The following SPOCK3 variants were observed in gnomAD, a reference collection of about 807,000 sequenced individuals.
SPOCK3 encodes testican-3.
Under a neutral mutation model 56.6 loss-of-function variants are expected in SPOCK3, and 30 were observed. The ratio of observed to expected loss-of-function variants is 0.53; its 90% confidence interval spans 0.40 to 0.72. The LOEUF is 0.72. SPOCK3 is among the 30% of genes least tolerant of loss of function. The probability of loss-of-function intolerance (pLI) is 0.00; values close to 1 mark genes in which losing one functional copy is unlikely to be tolerated. For synonymous variants in SPOCK3, 196 were observed against 183.3 expected (o/e 1.07, Z -0.56); for missense variants, 527 against 530.0 (o/e 0.99, Z 0.06).
chr4:166,737,261 A>G lies in SPOCK3; in HGVS notation c.1132+206T>C, dbSNP rs74780037. The stretch of plus-strand genomic sequence containing the variant: ...AGCTTTTAATTAATCTCTCTAGAAA[A>G]TCTAAATTATGCAATGACCACTTAT... On this transcript the variant is annotated intron_variant, in intron 10 of 10. Transcript: ENST00000357545. Among the ~76,000 whole-genome samples, 801 of 152,278 alleles carry G rather than the reference A, an allele frequency of 5.3e-3. 17 individuals carry two copies. The East Asian group carries it at 0.054, about 10-fold the overall frequency.
In SPOCK3 at chr4:167,005,617, T is replaced by C. The variant is rs191284828; in HGVS notation, c.236-5154A>G. 4.3e-3 allele frequency among the ~76,000 whole-genome samples: 661 copies of C among 152,134 alleles called. 5 individuals carry two copies. The highest frequency in any genetic ancestry group is 6.5e-3 in the Non-Finnish European group (444 of 67,990). On this transcript the variant is annotated intron_variant, in intron 3 of 10. Transcript: ENST00000357545. ...AAAAAAAAACAGTACTCAAAATCCTTTTATATACTTTGTGCAAACCCTCTA... is the reference window on the plus strand; with the variant it reads ...AAAAAAAAACAGTACTCAAAATCCTCTTATATACTTTGTGCAAACCCTCTA...
rs1241086796 is a variant in SPOCK3, at chr4:166,883,270, G to A, written c.589+5860C>T. 3.3e-5 allele frequency: 5 copies of A among 152,174 alleles called. No homozygotes were observed. The East Asian group carries it at 9.7e-4, about 29-fold the overall frequency. 9.4% of individuals were successfully genotyped at this position (152,174 alleles called of 1,614,324 possible). A position where few individuals can be genotyped will look rare whatever the true frequency, so the allele number is the denominator to read the frequency against. ...AGGGTTCCATAGCACTCAGAGTACT[G>A]AAATGAATAATGGAAAAAATGACTG... On this transcript the variant is annotated intron_variant, in intron 6 of 10. Transcript: ENST00000357545.
At chr4:167,098,256 A>G (rs949325616) in intron 2 of SPOCK3, among the ~76,000 whole-genome samples, 1 of 152,008 alleles carries the variant, frequency 6.6e-6, no homozygotes, top group Non-Finnish European at 1.5e-5. Flanking sequence ...GAGATTTACT[A>G]TGAGAACCTG....
intron 4 of SPOCK3, among the ~76,000 whole-genome samples, chr4:166,940,618 C>T (rs1028614584): frequency 2.6e-5 from 4 of 151,458 alleles, no homozygotes; most frequent in African/African-American, 9.7e-5. Context: ...TAATAAAAAA[C>T]CCCTAGGAAG....
chr4:166,878,211 G>A (rs1209424237), intron 6 of SPOCK3, among the ~76,000 whole-genome samples: 14 of 152,106 alleles, frequency 9.2e-5, no homozygotes, highest in Admixed American at 5.2e-4. Flanking sequence ...CCCGGGTGGC[G>A]AAGGTTGCAG....
chr4:166,839,177 G>C (rs1560913748), intron 6 of SPOCK3, among the ~76,000 whole-genome samples: 1 of 152,084 alleles, frequency 6.6e-6, no homozygotes. Context: ...TGCTCTGGCA[G>C]AAGTCAGAGG....
At chr4:167,009,547 T>C (rs1157350362) in intron 3 of SPOCK3, among the ~76,000 whole-genome samples, 1 of 152,154 alleles carries the variant, frequency 6.6e-6, no homozygotes, top group South Asian at 2.1e-4. Flanking sequence ...TTACAAATTC[T>C]AAGGCTGTGA....
intron 6 of SPOCK3, among the ~76,000 whole-genome samples, chr4:166,843,687 T>C (rs1195708295): frequency 6.6e-6 from 1 of 152,180 alleles, no homozygotes; most frequent in African/African-American, 2.4e-5. Flanking sequence ...AAGGATCCAG[T>C]TGGCTCTGAA....
intron 2 of SPOCK3, among the ~76,000 whole-genome samples, chr4:167,100,943 A>G (rs1387074982): frequency 1.3e-5 from 2 of 152,102 alleles, no homozygotes; most frequent in Admixed American, 6.6e-5. Context: ...TCACTCTCAA[A>G]TTTCATTCAG....
At chr4:166,938,888 G>C (rs1473742616) in intron 4 of SPOCK3, among the ~76,000 whole-genome samples, 1 of 151,608 alleles carries the variant, frequency 6.6e-6, no homozygotes, top group Non-Finnish European at 1.5e-5. Context: ...TTATGAATAA[G>C]AACACCAACC....
At chr4:167,165,767 C>T (rs540874320) in intron 2 of SPOCK3, among the ~76,000 whole-genome samples, 19 of 151,840 alleles carry the variant, frequency 1.3e-4, no homozygotes, top group Non-Finnish European at 1.8e-4. Flanking sequence ...TGAGCACACA[C>T]CAAACTATTA....
intron 2 of SPOCK3, among the ~76,000 whole-genome samples, chr4:167,172,613 G>A (rs1290347832): frequency 6.6e-6 from 1 of 152,058 alleles, no homozygotes; most frequent in Non-Finnish European, 1.5e-5. Context: ...GTCCAAATGA[G>A]TTAAATCAGT....
intron 2 of SPOCK3, among the ~76,000 whole-genome samples, chr4:167,189,653 CTG>C (rs1479585533): frequency 6.9e-6 from 1 of 144,852 alleles, no homozygotes. Context: ...TTAAGATCTA[CTG>C]TCTAAAAACA....
intron 2 of SPOCK3, among the ~76,000 whole-genome samples, chr4:167,185,814 C>G (rs902575073): frequency 6.6e-6 from 1 of 152,106 alleles, no homozygotes; most frequent in East Asian, 1.9e-4. Flanking sequence ...TTTGAACCAA[C>G]GAGTTTCTAA....
At chr4:166,964,128 A>C (rs1744449409) in intron 4 of SPOCK3, among the ~76,000 whole-genome samples, 1 of 151,682 alleles carries the variant, frequency 6.6e-6, no homozygotes, top group Non-Finnish European at 1.5e-5. Flanking sequence ...ATGATCAATA[A>C]ATTTTGAATG....
At chr4:166,785,045 G>T (rs1224397259) in intron 7 of SPOCK3, among the ~76,000 whole-genome samples, 1 of 152,022 alleles carries the variant, frequency 6.6e-6, no homozygotes, top group African/African-American at 2.4e-5. Context: ...TAAAATCAAG[G>T]TATCTTGATA....
intron 3 of SPOCK3, 46 bp from the exon 4 acceptor site, chr4:167,000,509 G>T: frequency 1.1e-6 from 1 of 936,348 alleles, no homozygotes; most frequent in South Asian, 1.5e-5. Context: ...TCTGTAAAAT[G>T]GAGGTATCAA....
chr4:166,791,527 C>A (rs1410934328), intron 7 of SPOCK3, among the ~76,000 whole-genome samples: 1 of 152,036 alleles, frequency 6.6e-6, no homozygotes, highest in Non-Finnish European at 1.5e-5. Flanking sequence ...ACATGATAAA[C>A]ACATTTTTAT....
At chr4:166,866,446 T>C (rs1731850872) in intron 6 of SPOCK3, among the ~76,000 whole-genome samples, 1 of 152,018 alleles carries the variant, frequency 6.6e-6, no homozygotes, top group Non-Finnish European at 1.5e-5. Context: ...CTAATTAAAC[T>C]AAAGAGCTTC....
Sources: allele counts gnomAD v4.1 joint callset (sites outside exome capture counted in the v4.1 genomes callset), GRCh38; gene constraint gnomAD v4.1.1; transcripts MANE v1.5; gene names NCBI Gene and HGNC (gene_info 2026-07-23, HGNC 2026-07-21).